Variants in GPC6 observed in about 807,000 individuals in gnomAD.
GPC6 encodes the protein glypican 6.
A neutral mutation model predicts 55.2 loss-of-function variants in GPC6; 14 were observed. The ratio of observed to expected loss-of-function variants is 0.25; its 90% CI spans 0.17 to 0.40. The LOEUF is 0.40. Among genes scored for constraint, GPC6 ranks in the 10% least tolerant of loss-of-function variants. The probability of loss-of-function intolerance (pLI) is 1.00; values close to 1 mark genes in which losing one functional copy is unlikely to be tolerated. For missense variants in GPC6, 641 were observed against 708.5 expected (o/e 0.90, Z 1.08); for synonymous variants, 278 against 259.6 (o/e 1.07, Z -0.68).
chr13:94,001,606 C>A (rs562869275), intron 3 of GPC6, among the ~76,000 whole-genome samples: 33 of 152,230 alleles, frequency 2.2e-4, no homozygotes, highest in African/African-American at 7.7e-4. Flanking sequence ...CATACCCACT[C>A]TCTAAATTGT....
At chr13:93,446,529 ACT>A (rs1170091775) in intron 1 of GPC6, among the ~76,000 whole-genome samples, 3 of 152,176 alleles carry the variant, frequency 2.0e-5, no homozygotes. Flanking sequence ...ATTACAAACC[ACT>A]CTTTGTACAC....
intron 1 of GPC6, among the ~76,000 whole-genome samples, chr13:93,281,150 ATATC>A (rs1366329931): frequency 3.3e-5 from 5 of 152,226 alleles, no homozygotes; most frequent in African/African-American, 1.2e-4. Context: ...AGATTCTACT[ATATC>A]TGCCACAATA....
At chr13:93,652,906 G>A (rs1158609471) in intron 2 of GPC6, among the ~76,000 whole-genome samples, 2 of 152,184 alleles carry the variant, frequency 1.3e-5, no homozygotes, top group East Asian at 3.9e-4. Flanking sequence ...TTTACTTGGA[G>A]CAGTTAAGCT....
chr13:94,167,571 G>A (rs147948966), intron 4 of GPC6, among the ~76,000 whole-genome samples: 46 of 152,256 alleles, frequency 3.0e-4, no homozygotes, highest in African/African-American at 1.1e-3. Flanking sequence ...ATGTGGAATA[G>A]GAGAGAGTTG....
At chr13:94,161,915 A>T (rs1051634823) in intron 4 of GPC6, among the ~76,000 whole-genome samples, 2 of 152,144 alleles carry the variant, frequency 1.3e-5, no homozygotes, top group African/African-American at 2.4e-5. Context: ...CATGTCTTAC[A>T]TGGCGGCAGG....
In GPC6 at chr13:94,319,110, G is replaced by T. The variant is rs532417634; in HGVS notation, c.1152+12987G>T. On this transcript the variant is annotated intron_variant, in intron 6 of 8. Transcript: ENST00000377047. ...ATATTTATTTCTTCCATCTCATTTT[G>T]TGATTTCTATTTGTCTCATCTTTTT... 2.6e-5 allele frequency among the ~76,000 whole-genome samples: 4 copies of T among 151,904 alleles called. No individual in the cohort carries two copies. The South Asian group carries it at 8.3e-4, about 32-fold the overall frequency.
chr13:93,404,542 G>T (rs141966972), intron 1 of GPC6, among the ~76,000 whole-genome samples: 2 of 152,256 alleles, frequency 1.3e-5, no homozygotes, highest in African/African-American at 4.8e-5. Context: ...GACGTTTTGT[G>T]TAGAAAGACA....
rs201991039 is a variant in GPC6, at chr13:93,663,333, G to A, written c.319+117912G>A. Reference sequence around the variant, plus strand: ...TAGCATGGCACCTTGGGCAGAAGATGCATTTACAACTATGTGTCAAGTTGA... The same window carrying A: ...TAGCATGGCACCTTGGGCAGAAGATACATTTACAACTATGTGTCAAGTTGA... On this transcript the variant is annotated intron_variant, in intron 2 of 8. Coordinates refer to ENST00000377047, the MANE Select transcript of GPC6 (RefSeq NM_005708.5). Among the ~76,000 whole-genome samples the A allele has an allele frequency of 1.8e-4, 27 of 152,232 alleles. No individual in the cohort carries two copies. In the East Asian group the frequency reaches 4.6e-3, roughly 26 times the overall value.
At chr13:93,661,287 C>T (rs1188569972) in intron 2 of GPC6, among the ~76,000 whole-genome samples, 1 of 152,068 alleles carries the variant, frequency 6.6e-6, no homozygotes, top group Non-Finnish European at 1.5e-5. Context: ...AATCTTGGCT[C>T]GCTGCAACCT....
chr13:93,584,837 C>T (rs1005809936), intron 2 of GPC6, among the ~76,000 whole-genome samples: 8 of 151,834 alleles, frequency 5.3e-5, no homozygotes, highest in African/African-American at 1.9e-4. Context: ...TATAGGCATG[C>T]ACCACCATGT....
intron 4 of GPC6, among the ~76,000 whole-genome samples, chr13:94,177,752 A>G (rs1888834001): frequency 6.6e-6 from 1 of 152,122 alleles, no homozygotes; most frequent in Non-Finnish European, 1.5e-5. Context: ...TTTCAATATA[A>G]TCTCCAGAAA....
chr13:93,858,864 T>G (rs1037630630), intron 3 of GPC6, among the ~76,000 whole-genome samples: 2 of 151,314 alleles, frequency 1.3e-5, no homozygotes, highest in East Asian at 3.9e-4. Context: ...AATTTTGTTA[T>G]AAAAAGGGAA....
intron 1 of GPC6, among the ~76,000 whole-genome samples, chr13:93,371,233 G>A (rs1411163069): frequency 1.3e-5 from 2 of 152,044 alleles, no homozygotes; most frequent in African/African-American, 4.8e-5. Context: ...ATGAAGCTTG[G>A]CAGGGGTTGG....
rs185675111 is a variant in GPC6, at chr13:94,176,295, G to A, written c.878-110054G>A. 2.3e-3 allele frequency among the ~76,000 whole-genome samples: 346 copies of A among 152,118 alleles called. 1 individual carries two copies. The highest frequency in any genetic ancestry group is 7.9e-3 in the African/African-American group (328 of 41,478). The stretch of plus-strand genomic sequence containing the variant: ...AGCCTGTGGAAAGATCAGTACATTC[G>A]AAGACGTGGAATAGGATCCCTTCTC... On this transcript the variant is annotated intron_variant, in intron 4 of 8. Coordinates refer to ENST00000377047, the MANE Select transcript of GPC6 (RefSeq NM_005708.5).
chr13:93,818,007 T>G (rs1319993292), intron 2 of GPC6, among the ~76,000 whole-genome samples: 3 of 147,454 alleles, frequency 2.0e-5, no homozygotes, highest in African/African-American at 7.4e-5. Flanking sequence ...AAACATAAAT[T>G]ATATACTTAT....
rs140632681 is a variant in GPC6, at chr13:93,681,466, C to T, written c.319+136045C>T. On this transcript the variant is annotated intron_variant, in intron 2 of 8. Coordinates refer to ENST00000377047, the MANE Select transcript of GPC6 (RefSeq NM_005708.5). ...CTTAGCAAACTGATTAAGGAAGATA[C>T]GGCAAGAGCTGACAATAAAAACTAA... Among the ~76,000 whole-genome samples the T allele has an allele frequency of 2.3e-3, 345 of 152,094 alleles. 2 individuals are homozygous for T. Among genetic ancestry groups the T allele is most frequent in the Admixed American group, 5.6e-3 (85 of 15,260 alleles).
Position 93,955,431 on chromosome 13 carries a change from A to T in GPC6, c.712-72298A>T, listed in dbSNP as rs748979302. ...GAGTTCAATATTCATTATTATGCAGATTGATATCAATCACACATGCTCATT... is the reference window on the plus strand; with the variant it reads ...GAGTTCAATATTCATTATTATGCAGTTTGATATCAATCACACATGCTCATT... On this transcript the variant is annotated intron_variant, in intron 3 of 8. Coordinates refer to ENST00000377047, the MANE Select transcript of GPC6 (RefSeq NM_005708.5). Among the ~76,000 whole-genome samples, 51 of 152,286 alleles carry T rather than the reference A, an allele frequency of 3.3e-4. 1 individual carries two copies. The highest frequency in any genetic ancestry group is 6.8e-3 in the Middle Eastern group (2 of 294).
intron 1 of GPC6, among the ~76,000 whole-genome samples, chr13:93,466,304 G>T (rs1391330617): frequency 7.2e-5 from 11 of 151,936 alleles, no homozygotes; most frequent in Non-Finnish European, 1.3e-4. Flanking sequence ...GATATTCTTT[G>T]ATTCACTCAT....
chr13:94,209,130 T>C (rs1375904304), intron 4 of GPC6, among the ~76,000 whole-genome samples: 1 of 152,126 alleles, frequency 6.6e-6, no homozygotes, highest in East Asian at 1.9e-4. Context: ...TTGTCAAATA[T>C]CCCAAGATAA....
Sources: allele counts gnomAD v4.1 joint callset (sites outside exome capture counted in the v4.1 genomes callset), GRCh38; gene constraint gnomAD v4.1.1; transcripts MANE v1.5; gene names NCBI Gene and HGNC (gene_info 2026-07-23, HGNC 2026-07-21).